Variants in SGCD observed in about 807,000 individuals in gnomAD.
SGCD encodes the protein delta-sarcoglycan.
SGCD carries 18 observed loss-of-function variants against 36.6 expected under a neutral mutation model. The observed-to-expected ratio is 0.49, with a 90% CI of 0.34 to 0.73. The LOEUF is 0.73. Ranked by LOEUF, SGCD falls within the 30% of genes least tolerant of loss-of-function variation. The pLI is 0.01. For missense variants in SGCD, 387 were observed against 346.7 expected (o/e 1.12, Z -0.92); for synonymous variants, 133 against 130.6 (o/e 1.02, Z -0.12).
At chr5:156,518,402 A>G (rs1384901327) in intron 4 of SGCD, among the ~76,000 whole-genome samples, 1 of 152,160 alleles carries the variant, frequency 6.6e-6, no homozygotes, top group Non-Finnish European at 1.5e-5. Context: ...AGACTTTCAC[A>G]CCCACTGTCA....
At chr5:156,580,517 C>T (rs1452228068) in intron 4 of SGCD, among the ~76,000 whole-genome samples, 1 of 152,186 alleles carries the variant, frequency 6.6e-6, no homozygotes, top group Non-Finnish European at 1.5e-5. Flanking sequence ...TCCATTCTCC[C>T]AGTCACTTTC....
chr5:156,381,875 A>C (rs935640754), intron 3 of SGCD, among the ~76,000 whole-genome samples: 5 of 152,312 alleles, frequency 3.3e-5, no homozygotes, highest in Non-Finnish European at 7.3e-5. Context: ...TAGTTTTCTC[A>C]TCCATAAAAA....
At position 155,950,503 on chromosome 5, in the gene SGCD, A is replaced by G. The variant is rs111827508; in HGVS notation, c.-282+80079A>G. On this transcript the variant is annotated intron_variant, in intron 1 of 9. Coordinates refer to the SGCD transcript ENST00000517913. ...ATGGATAAAGAGATGGGGTTCCCTG[A>G]TTAGTTTAAATCCATTAATATCCAC... 1.9e-3 allele frequency among the ~76,000 whole-genome samples: 283 copies of G among 152,262 alleles called. 1 individual carries two copies. Among genetic ancestry groups the G allele is most frequent in the Non-Finnish European group, 2.8e-3 (188 of 68,002 alleles).
chr5:156,158,158 A>C (rs1395858985), intron 3 of SGCD, among the ~76,000 whole-genome samples: 1 of 151,454 alleles, frequency 6.6e-6, no homozygotes, highest in African/African-American at 2.5e-5. Flanking sequence ...AAAGCTACTG[A>C]TCATGACTGA....
At chr5:155,886,165 A>T (rs1755993177) in intron 1 of SGCD, among the ~76,000 whole-genome samples, 1 of 152,214 alleles carries the variant, frequency 6.6e-6, no homozygotes, top group Admixed American at 6.5e-5. Flanking sequence ...TACTGATTCG[A>T]ACTAATTTAA....
intron 1 of SGCD, among the ~76,000 whole-genome samples, chr5:155,883,267 G>A (rs549992607): frequency 6.6e-6 from 1 of 152,238 alleles, no homozygotes; most frequent in South Asian, 2.1e-4. Flanking sequence ...GTTCACTGGA[G>A]GAGCAATTTT....
chr5:156,000,490 A>G (rs1264755942), intron 1 of SGCD, among the ~76,000 whole-genome samples: 2 of 152,204 alleles, frequency 1.3e-5, no homozygotes, highest in Non-Finnish European at 2.9e-5. Flanking sequence ...AGTGGCTTTC[A>G]ACTTTTAAAA....
chr5:156,198,961 G>A (rs11950500), intron 3 of SGCD, among the ~76,000 whole-genome samples: 46,895 of 151,810 alleles, frequency 0.31, 7,727 homozygotes, highest in East Asian at 0.6. Flanking sequence ...CTCCCAAGTA[G>A]CTGGGATATA....
intron 1 of SGCD, among the ~76,000 whole-genome samples, chr5:155,892,029 G>C (rs1756143945): frequency 6.6e-6 from 1 of 152,058 alleles, no homozygotes; most frequent in Non-Finnish European, 1.5e-5. Flanking sequence ...GCTCATTTTT[G>C]TTTTTAAATG....
At chr5:155,769,766 G>A in the SGCD span, among the ~76,000 whole-genome samples, 44 of 152,170 alleles carry the variant, frequency 2.9e-4, no homozygotes, top group Admixed American at 1.2e-3. Flanking sequence ...GCCTATTGGC[G>A]TGGCCTTCTT....
At chr5:155,890,454 A>C (rs1756097740) in intron 1 of SGCD, among the ~76,000 whole-genome samples, 1 of 151,948 alleles carries the variant, frequency 6.6e-6, no homozygotes, top group Admixed American at 6.6e-5. Context: ...GTGGAACCTT[A>C]CCTCTACAAA....
At chr5:156,177,302 A>G (rs1322697010) in intron 3 of SGCD, among the ~76,000 whole-genome samples, 1 of 152,086 alleles carries the variant, frequency 6.6e-6, no homozygotes, top group Non-Finnish European at 1.5e-5. Context: ...GCCTGGCCCA[A>G]TTTTGTATTT....
At chr5:155,923,336 C>A (rs1756928683) in intron 1 of SGCD, among the ~76,000 whole-genome samples, 1 of 149,854 alleles carries the variant, frequency 6.7e-6, no homozygotes, top group Non-Finnish European at 1.5e-5. Flanking sequence ...GGTTTAGAGA[C>A]AAATCTCTGG....
chr5:156,302,189 C>A (rs951447580), intron 3 of SGCD, among the ~76,000 whole-genome samples: 7 of 151,996 alleles, frequency 4.6e-5, no homozygotes, highest in Non-Finnish European at 7.4e-5. Context: ...AGGTATGCTT[C>A]ATTCCTTTTT....
At chr5:156,079,832 A>G (rs1760902858) in intron 1 of SGCD, among the ~76,000 whole-genome samples, 1 of 152,204 alleles carries the variant, frequency 6.6e-6, no homozygotes, top group Admixed American at 6.5e-5. Context: ...GCACAAGGTG[A>G]AAGCTGCTGG....
At chr5:156,612,393 T>C (rs1370685395) in intron 6 of SGCD, among the ~76,000 whole-genome samples, 1 of 152,262 alleles carries the variant, frequency 6.6e-6, no homozygotes, top group Non-Finnish European at 1.5e-5. Flanking sequence ...GAGTTTGTGA[T>C]GGCAGTAGTG....
chr5:156,677,389 A>G (rs1441458559), intron 7 of SGCD, among the ~76,000 whole-genome samples: 5 of 152,164 alleles, frequency 3.3e-5, no homozygotes, highest in Admixed American at 6.5e-5. Context: ...GCTGGAAACC[A>G]TCATTCTGAG....
chr5:155,986,052 G>GA (rs939752201), intron 1 of SGCD, among the ~76,000 whole-genome samples: 2 of 150,936 alleles, frequency 1.3e-5, no homozygotes, highest in Non-Finnish European at 3.0e-5. Context: ...TTATTTCTAA[G>GA]AAAAAAAAAG....
At chr5:156,683,130 C>T (rs1013102430) in intron 7 of SGCD, among the ~76,000 whole-genome samples, 2 of 152,042 alleles carry the variant, frequency 1.3e-5, no homozygotes, top group Admixed American at 1.3e-4. Context: ...AACAGATGTC[C>T]GAGATATATA....
Sources: gnomAD v4.1 joint callset for allele counts (sites outside exome capture counted in the v4.1 genomes callset) on GRCh38, gnomAD v4.1.1 for gene constraint, MANE v1.5 for transcripts, NCBI Gene and HGNC (gene_info 2026-07-23, HGNC 2026-07-21) for gene names.